Variants in ITPRID2 observed in about 807,000 individuals in gnomAD.
ITPRID2 encodes ITPR interacting domain containing 2, also known as protein ITPRID2.
ITPRID2 carries 60 observed loss-of-function variants against 124.3 expected under a neutral mutation model. The observed-to-expected ratio is 0.48, with a 90% CI of 0.39 to 0.60. The LOEUF (loss-of-function observed/expected upper bound fraction) is 0.60, where lower values mean the gene tolerates loss of function less well. Among genes scored for constraint, ITPRID2 ranks in the 20% least tolerant of loss-of-function variants. ITPRID2 has a pLI of 0.00. For synonymous variants in ITPRID2, 521 were observed against 542.9 expected, an observed-to-expected ratio of 0.96 and a Z score of 0.56; for missense variants, 1,553 against 1,512.2, an observed-to-expected ratio of 1.03 and a Z score of -0.45.
intron 10 of ITPRID2, among the ~76,000 whole-genome samples, chr2:181,914,297 G>A (rs1381405941): frequency 2.0e-5 from 3 of 151,944 alleles, no homozygotes; most frequent in Non-Finnish European, 4.4e-5. Context: ...CATTAATTGT[G>A]GACCTATAGC....
At chr2:181,895,304 G>A (rs1692097164) in intron 2 of ITPRID2, among the ~76,000 whole-genome samples, 1 of 151,624 alleles carries the variant, frequency 6.6e-6, no homozygotes, top group African/African-American at 2.4e-5. Context: ...GTTTATTTTT[G>A]TATTTGAAAA....
Position 181,915,351 on chromosome 2 carries a change from T to A in ITPRID2, c.1711T>A (p.Ser571Thr). The change falls in exon 11 of 18, where the codon TCT becomes ACT. Residue 571 changes from serine (S) to threonine (T), a missense_variant. Transcript: ENST00000431877. ...TTATTTTAATGAATCAGAGGAGGAG[T>A]CTCTTGTCCCTCTTCAGAAGGGACT... ...QPYFNESEEE[S>T]LVPLQKGLEK... 1.2e-6 allele frequency: 2 copies of A among 1,612,756 alleles called. No homozygotes were observed. Among genetic ancestry groups the A allele is most frequent in the Non-Finnish European group, 1.7e-6 (2 of 1,179,722 alleles).
At chr2:181,916,614 T>C in intron 11 of ITPRID2, 187 bp downstream of exon 11, 4 of 848,276 alleles carry the variant, frequency 4.7e-6, no homozygotes, top group Non-Finnish European at 7.0e-6. Context: ...AAGCTGTAAC[T>C]AACCCTGATC....
chr2:181,903,682 T>C (rs543178963), intron 8 of ITPRID2, among the ~76,000 whole-genome samples: 1 of 152,296 alleles, frequency 6.6e-6, no homozygotes, highest in South Asian at 2.1e-4. Context: ...CATTTTGAGC[T>C]TTTTTTCTTT....
chr2:181,924,628 TG>T (rs1230926536), intron 16 of ITPRID2, among the ~76,000 whole-genome samples: 1 of 152,206 alleles, frequency 6.6e-6, no homozygotes, highest in African/African-American at 2.4e-5. Context: ...ATGAAAACAA[TG>T]GTATCTGTCA....
intron 16 of ITPRID2, among the ~76,000 whole-genome samples, 154 bp downstream of exon 16, chr2:181,922,566 G>T (rs1306042185): frequency 3.9e-5 from 6 of 152,140 alleles, no homozygotes; most frequent in Non-Finnish European, 8.8e-5. Flanking sequence ...GATCAAGTTT[G>T]TGTCAATTAA....
rs1208582469 is a variant in ITPRID2 at position 181,907,480 on chromosome 2, G to C, written c.1414-2419G>C. Among the ~76,000 whole-genome samples the C allele has an allele frequency of 7.0e-6, 1 of 143,342 alleles. No homozygotes were observed. Among genetic ancestry groups the C allele is most frequent in the East Asian group, 2.1e-4 (1 of 4,850 alleles). 94.0% of individuals were successfully genotyped at this position (143,342 alleles called of 152,430 possible). A position where few individuals can be genotyped will look rare whatever the true frequency, so the allele number is the denominator to read the frequency against. On this transcript the variant is annotated intron_variant, in intron 8 of 17. Coordinates refer to ENST00000431877, the MANE Select transcript of ITPRID2 (RefSeq NM_001130445.3). The surrounding 1 kb of genome is among the most constrained non-coding windows in gnomAD (Gnocchi z 5.1). ...TTTTTTTATATTATGAAACAGTTTT[G>C]TTATGAAAAGTTTCAAACTTACTTG...
intron 2 of ITPRID2, chr2:181,894,717 A>G (rs1325179779): frequency 6.6e-6 from 1 of 152,174 alleles, no homozygotes; most frequent in African/African-American, 2.4e-5. Flanking sequence ...TTATTTTGAT[A>G]ACCATTTGTG....
At chr2:181,914,387 C>T (rs1333682683) in intron 10 of ITPRID2, among the ~76,000 whole-genome samples, 1 of 152,110 alleles carries the variant, frequency 6.6e-6, no homozygotes, top group Non-Finnish European at 1.5e-5. Flanking sequence ...CCCCAAGAAG[C>T]ATATAGTCTA....
intron 6 of ITPRID2, 104 bp downstream of exon 6, chr2:181,899,216 A>G (rs542934662): frequency 3.7e-6 from 3 of 816,758 alleles, no homozygotes; most frequent in Admixed American, 2.9e-5. Context: ...GAAATCAGAA[A>G]GAACACAAAA....
chr2:181,911,192 C>A (rs1693576192), intron 9 of ITPRID2, among the ~76,000 whole-genome samples: 1 of 152,070 alleles, frequency 6.6e-6, no homozygotes, highest in Admixed American at 6.5e-5. Context: ...GAAGAGAGAA[C>A]AACATAGTTT....
Position 181,901,970 on chromosome 2 carries a change from T to C in ITPRID2, c.917T>C (p.Val306Ala), listed in dbSNP as rs1692702286. Residue 306 changes from valine (V) to alanine (A), a missense_variant, in exon 8 of 18, where the codon GTT (valine) becomes GCT (alanine). Coordinates refer to ENST00000431877, the MANE Select transcript of ITPRID2 (RefSeq NM_001130445.3). Reference protein sequence around the residue: ...MKTLSKLNLCVDKTEKGESSS... With the variant: ...MKTLSKLNLCADKTEKGESSS... ...ACACTCTCAAAACTGAATTTATGTG[T>C]TGATAAAACAGAGAAAGGAGAAAGT... The C allele has an allele frequency of 6.2e-7, 1 of 1,613,870 alleles. No homozygotes were observed.
intron 17 of ITPRID2, among the ~76,000 whole-genome samples, chr2:181,928,963 T>C (rs1002341129): frequency 1.3e-5 from 2 of 152,114 alleles, no homozygotes; most frequent in African/African-American, 2.4e-5. Flanking sequence ...TCCTAATTAT[T>C]TTTATCTTTT....
At chr2:181,913,538 A>C (rs1490136225) in intron 9 of ITPRID2, among the ~76,000 whole-genome samples, 1 of 152,182 alleles carries the variant, frequency 6.6e-6, no homozygotes, top group Non-Finnish European at 1.5e-5. Context: ...TTTTCCTCCA[A>C]GGATAAAACA....
chr2:181,926,275 A>C (rs1694842480), intron 16 of ITPRID2, among the ~76,000 whole-genome samples: 1 of 152,150 alleles, frequency 6.6e-6, no homozygotes, highest in South Asian at 2.1e-4. Flanking sequence ...AAAATAAATA[A>C]ATAAGAAATA....
intron 2 of ITPRID2, chr2:181,894,014 A>G (rs1558974769): frequency 6.6e-6 from 1 of 152,170 alleles, no homozygotes; most frequent in Non-Finnish European, 1.5e-5. Flanking sequence ...AAAGCCTCCA[A>G]TCTGACTCTT....
chr2:181,922,099 C>G lies in ITPRID2; in HGVS notation c.3362C>G (p.Ser1121Cys), dbSNP rs1694518808. The G allele has an allele frequency of 6.2e-7, 1 of 1,614,218 alleles. No individual in the cohort carries two copies. Among genetic ancestry groups the G allele is most frequent in the Non-Finnish European group, 8.5e-7 (1 of 1,180,036 alleles). ...SESSSVCSGPSHANRRTGVPS... is the reference protein window; with the variant it reads ...SESSSVCSGPCHANRRTGVPS... ...TCATCTTCTGTATGTTCTGGTCCCT[C>G]TCATGCTAACAGAAGAACTGGAGTA... The change falls in exon 16 of 18, where the codon TCT (serine) becomes TGT (cysteine). Residue 1121 changes from serine to cysteine, a missense_variant. Ser to Cys is a moderately radical substitution (Grantham distance 112, BLOSUM62 -1). Transcript: ENST00000431877.
At chr2:181,918,520 T>C in intron 11 of ITPRID2, 78 bp from the exon 12 acceptor site, 1 of 1,575,120 alleles carries the variant, frequency 6.3e-7, no homozygotes, top group Non-Finnish European at 8.6e-7. Flanking sequence ...GGCCCCAAAT[T>C]CTGCCTTTTA....
At position 181,900,625 on chromosome 2, in the gene ITPRID2, T is replaced by C. The variant is rs1692583743; in HGVS notation, c.504-71T>C. 3 of 1,053,892 alleles carry C rather than the reference T, an allele frequency of 2.8e-6. No homozygotes were observed. The South Asian group carries it at 4.7e-5, about 16-fold the overall frequency. 65.3% of individuals were successfully genotyped at this position (1,053,892 alleles called of 1,614,324 possible). On this transcript the variant is annotated intron_variant, in intron 6 of 17. Coordinates refer to ENST00000431877, the MANE Select transcript of ITPRID2 (RefSeq NM_001130445.3). ...CAGGAAATCAGTAATATGTATTCAT[T>C]TATAATGTGGTGTGGACTATCAATT...
Sources: allele counts gnomAD v4.1 joint callset (sites outside exome capture counted in the v4.1 genomes callset), GRCh38; gene constraint gnomAD v4.1.1; non-coding constraint Gnocchi (gnomAD v3.1); transcripts MANE v1.5; gene names NCBI Gene and HGNC (gene_info 2026-07-23, HGNC 2026-07-21).